Variants in MAP3K15 observed in about 807,000 individuals in gnomAD.
MAP3K15 encodes the protein mitogen-activated protein kinase kinase kinase 15.
MAP3K15 carries 124 observed loss-of-function variants against 99.5 expected under a neutral mutation model. That is an observed-to-expected ratio of 1.25 (90% CI 1.08 to 1.45). MAP3K15 has a LOEUF of 1.45. MAP3K15 is among the 40% of genes most tolerant of loss of function. The pLI is 0.00. For synonymous variants in MAP3K15, 494 were observed against 439.6 expected, an observed-to-expected ratio of 1.12 and a Z score of -1.55; for missense variants, 1,242 against 1,079.7, an observed-to-expected ratio of 1.15 and a Z score of -2.11.
chrX:19,501,965 C>A (rs1279356490), intron 1 of MAP3K15, among the ~76,000 whole-genome samples: 2 of 112,099 alleles, frequency 1.8e-5, no homozygotes, highest in Non-Finnish European at 3.8e-5. Flanking sequence ...ACTTGGGAGG[C>A]TGAGGCAGGT....
chrX:19,362,856 T>A lies in MAP3K15; in HGVS notation c.3567-6A>T. 1 of 965,951 alleles carries A rather than the reference T, an allele frequency of 1.0e-6. No individual in the cohort carries two copies. 79.6% of individuals were successfully genotyped at this position (965,951 alleles called of 1,213,427 possible). A position where few individuals can be genotyped will look rare whatever the true frequency, so the allele number is the denominator to read the frequency against. On this transcript the variant is annotated splice_region_variant and splice_polypyrimidine_tract_variant and intron_variant, in intron 25 of 28. Coordinates refer to ENST00000338883, the MANE Select transcript of MAP3K15 (RefSeq NM_001001671.4). ...CAACTAGGTGTTCCAAAAGTCTGGT[T>A]TAAAAAAAAAAAAAAAAAGCCATTA...
chrX:19,463,814 T>C (rs1198632999), intron 4 of MAP3K15, among the ~76,000 whole-genome samples: 1 of 110,722 alleles, frequency 9.0e-6, no homozygotes, highest in Non-Finnish European at 1.9e-5. Context: ...TGCTGAGATA[T>C]ATGAAGAGCC....
rs1390849400 is a variant in MAP3K15 at position 19,464,404 on chromosome X, T to A, written c.528A>T (p.Ala176=). ...LKDMVTQKNT[A]SSGNYYFIPY... is the part of the protein sequence containing the mutation. Reference sequence around the variant, plus strand: ...GGATGAAATAATAATTTCCACTGGATGCCTGGAAAAAAGAAACAAAGATGT... The same window carrying A: ...GGATGAAATAATAATTTCCACTGGAAGCCTGGAAAAAAGAAACAAAGATGT... The change falls in exon 4 of 29, where the codon GCA becomes GCT. Residue 176 remains alanine, a splice_region_variant and synonymous_variant. Coordinates refer to ENST00000338883, the MANE Select transcript of MAP3K15 (RefSeq NM_001001671.4). 8.5e-7 allele frequency: 1 copy of A among 1,177,883 alleles called. No individual in the cohort carries two copies. The highest frequency in any genetic ancestry group is 2.2e-5 in the Admixed American group (1 of 44,573).
chrX:19,435,433 C>T (rs1239765991), intron 6 of MAP3K15, among the ~76,000 whole-genome samples: 1 of 110,679 alleles, frequency 9.0e-6, no homozygotes, highest in Non-Finnish European at 1.9e-5. Flanking sequence ...ACCATGTTGC[C>T]CAAGCTAATG....
rs138317599 is a variant in MAP3K15, at chrX:19,460,053, T to C, written c.820A>G (p.Met274Val). 2.0e-5 allele frequency: 24 copies of C among 1,194,330 alleles called. 1 individual carries two copies. In the African/African-American group the frequency reaches 3.5e-4, roughly 17 times the overall value. The change falls in exon 5 of 29, where the codon ATG becomes GTG. Residue 274 changes from methionine to valine, a missense_variant. Coordinates refer to ENST00000338883, the MANE Select transcript of MAP3K15 (RefSeq NM_001001671.4). ...GAGGTCAGAACCTCAGTATTATCCATGCGGAGCTTGATCCGAGCTAGCTCC... is the reference window on the plus strand; with the variant it reads ...GAGGTCAGAACCTCAGTATTATCCACGCGGAGCTTGATCCGAGCTAGCTCC... ...AKELARIKLRMDNTEVLTSDI... is the reference protein window; with the variant it reads ...AKELARIKLRVDNTEVLTSDI...
At chrX:19,424,255 CACAT>C (rs1569220375) in intron 9 of MAP3K15, among the ~76,000 whole-genome samples, 45 of 104,816 alleles carry the variant, frequency 4.3e-4, no homozygotes, top group African/African-American at 1.6e-3. Flanking sequence ...CATATATATA[CACAT>C]ATATATACAC....
At chrX:19,384,747 G>A (rs2063482320) in intron 18 of MAP3K15, among the ~76,000 whole-genome samples, 1 of 53,448 alleles carries the variant, frequency 1.9e-5, no homozygotes, top group African/African-American at 1.6e-4. Flanking sequence ...CTTGTCTCAG[G>A]GGAAAAAAAA....
At position 19,458,595 on chromosome X, in the gene MAP3K15, G is replaced by C. The variant is rs761643753; in HGVS notation, c.888+1390C>G. Among the ~76,000 whole-genome samples the C allele has an allele frequency of 3.6e-5, 4 of 111,992 alleles. No homozygotes were observed. In the East Asian group the frequency reaches 1.1e-3, roughly 31 times the overall value. ...CTGGGAAGGCTGAGGCAGGAGAACT[G>C]CTTGAACCTGGGAGTCGGAGGTTGC... On this transcript the variant is annotated intron_variant, in intron 5 of 28. Coordinates refer to ENST00000338883, the MANE Select transcript of MAP3K15 (RefSeq NM_001001671.4).
chrX:19,398,456 A>T, intron 14 of MAP3K15, 97 bp from the exon 15 acceptor site: 1 of 946,384 alleles, frequency 1.1e-6, no homozygotes, highest in Non-Finnish European at 1.5e-6. Flanking sequence ...AAAAAAATAT[A>T]AATAACATTA....
At chrX:19,394,979 C>A in intron 16 of MAP3K15, 102 bp downstream of exon 16, 2 of 1,014,232 alleles carry the variant, frequency 2.0e-6, no homozygotes, top group Non-Finnish European at 2.7e-6. Flanking sequence ...GCCCTACAGG[C>A]CTGGCTTAGG....
intron 1 of MAP3K15, among the ~76,000 whole-genome samples, chrX:19,491,337 C>T (rs764477259): frequency 1.8e-5 from 2 of 111,132 alleles, no homozygotes; most frequent in East Asian, 5.7e-4. Context: ...ACCATGAGGG[C>T]AGCCAAAATA....
At chrX:19,457,422 G>T (rs758409570) in intron 5 of MAP3K15, among the ~76,000 whole-genome samples, 22 of 111,302 alleles carry the variant, frequency 2.0e-4, no homozygotes, top group Admixed American at 1.1e-3. Flanking sequence ...GACTAGCCTG[G>T]CCAACATGGT....
intron 13 of MAP3K15, among the ~76,000 whole-genome samples, chrX:19,403,815 G>A (rs187277993): frequency 5.4e-5 from 6 of 110,761 alleles, no homozygotes; most frequent in African/African-American, 2.0e-4. Flanking sequence ...GAGACACAAT[G>A]AATTAAGACT....
chrX:19,442,576 T>G (rs890252129), intron 6 of MAP3K15, among the ~76,000 whole-genome samples: 1 of 104,945 alleles, frequency 9.5e-6, no homozygotes, highest in African/African-American at 3.5e-5. Context: ...CAGATTGGAG[T>G]ACAGTGGTGC....
intron 23 of MAP3K15, 42 bp from the exon 24 acceptor site, chrX:19,371,106 A>C: frequency 9.7e-7 from 1 of 1,028,168 alleles, no homozygotes; most frequent in Non-Finnish European, 1.3e-6. Flanking sequence ...AAATCACAAA[A>C]ATCCAGATTT....
chrX:19,492,565 C>T (rs1233682716), intron 1 of MAP3K15, among the ~76,000 whole-genome samples: 2 of 111,616 alleles, frequency 1.8e-5, no homozygotes, highest in Non-Finnish European at 3.8e-5. Flanking sequence ...AATTCCACTC[C>T]CCAAAGACAT....
chrX:19,413,564 C>T, intron 10 of MAP3K15, 100 bp from the exon 11 acceptor site: 3 of 491,291 alleles, frequency 6.1e-6, no homozygotes, highest in Non-Finnish European at 9.5e-6. Flanking sequence ...TATATCCTCA[C>T]TGAGGGCCAG....
At chrX:19,391,976 C>T (rs2063531173) in intron 18 of MAP3K15, 26 bp downstream of exon 18, 1 of 1,106,528 alleles carries the variant, frequency 9.0e-7, no homozygotes, top group African/African-American at 1.8e-5. Flanking sequence ...GGATGGGCAC[C>T]CTGTGCCAAG....
At chrX:19,367,723 A>ACTTTTTTTTT (rs2063344451) in intron 25 of MAP3K15, among the ~76,000 whole-genome samples, 1 of 24,107 alleles carries the variant, frequency 4.1e-5, no homozygotes, top group African/African-American at 1.3e-4. Context: ...ATAACTATGG[A>ACTTTTTTTTT]TTTTTTTTTT....
Sources: gnomAD v4.1 joint callset for allele counts (sites outside exome capture counted in the v4.1 genomes callset) on GRCh38, gnomAD v4.1.1 for gene constraint, MANE v1.5 for transcripts, NCBI Gene and HGNC (gene_info 2026-07-23, HGNC 2026-07-21) for gene names.